Variants in FBXL17 observed in about 807,000 individuals in gnomAD.
The protein encoded by FBXL17 is F-box/LRR-repeat protein 17.
FBXL17 carries 22 observed loss-of-function variants against 66.2 expected under a neutral mutation model. The ratio of observed to expected loss-of-function variants is 0.33; its 90% CI spans 0.24 to 0.47. The LOEUF is 0.47. FBXL17 is among the 20% of genes least tolerant of loss of function. The pLI is 1.00. For missense variants in FBXL17, 878 were observed against 948.2 expected, an observed-to-expected ratio of 0.93 and a Z score of 0.97; for synonymous variants, 474 against 400.5, an observed-to-expected ratio of 1.18 and a Z score of -2.19.
chr5:108,308,599 T>C lies in FBXL17; in HGVS notation c.1506+39800A>G, dbSNP rs577228234. Among the ~76,000 whole-genome samples, 5 of 152,240 alleles carry C rather than the reference T, an allele frequency of 3.3e-5. No individual in the cohort carries two copies. In the East Asian group the frequency reaches 9.6e-4, roughly 29 times the overall value. On this transcript the variant is annotated intron_variant, in intron 4 of 8. Transcript: ENST00000542267. ...GAAAACCTCCGTCATAGATTTTGAA[T>C]TAGCGATTATTCCACAAAATAGCTT... is the stretch of plus-strand genomic sequence containing the variant.
chr5:107,978,418 C>A (rs66673402), intron 7 of FBXL17, among the ~76,000 whole-genome samples: 1 of 151,834 alleles, frequency 6.6e-6, no homozygotes, highest in Non-Finnish European at 1.5e-5. Flanking sequence ...CTGAATTCTG[C>A]TAAGATATAT....
chr5:108,213,244 C>A (rs571244638), intron 5 of FBXL17, among the ~76,000 whole-genome samples: 2 of 152,228 alleles, frequency 1.3e-5, no homozygotes, highest in South Asian at 4.2e-4. Flanking sequence ...GGAGTGGGAC[C>A]CACCAAGCCA....
intron 6 of FBXL17, among the ~76,000 whole-genome samples, chr5:108,175,529 G>A (rs772156594): frequency 1.3e-5 from 2 of 152,126 alleles, no homozygotes; most frequent in Non-Finnish European, 2.9e-5. Flanking sequence ...AGTAAGTGAG[G>A]AGTAATTGTA....
At chr5:107,901,525 C>T (rs879466847) in intron 7 of FBXL17, among the ~76,000 whole-genome samples, 20 of 152,270 alleles carry the variant, frequency 1.3e-4, no homozygotes, top group Non-Finnish European at 1.2e-4. Context: ...CAATGCCTAA[C>T]GGGCCCATGT....
chr5:108,258,270 C>T (rs72791257), intron 4 of FBXL17, among the ~76,000 whole-genome samples: 1 of 152,076 alleles, frequency 6.6e-6, no homozygotes, highest in South Asian at 2.1e-4. Context: ...AGTGCCCTCA[C>T]CAGAAATCAA....
At position 107,942,114 on chromosome 5, in the gene FBXL17, G is replaced by A. The variant is rs563597358; in HGVS notation, c.1823-60935C>T. On this transcript the variant is annotated intron_variant, in intron 7 of 8. Transcript: ENST00000542267. ...TTCTACCTCTCAGCACAGGGCTGAG[G>A]GCGTACACAGCTGGATGTAGGCAAT... is the stretch of plus-strand genomic sequence containing the variant. Among the ~76,000 whole-genome samples the A allele has an allele frequency of 8.5e-5, 13 of 152,080 alleles. No individual in the cohort carries two copies. The South Asian group carries it at 2.7e-3, about 32-fold the overall frequency.
At chr5:108,332,707 A>C (rs1047207310) in intron 4 of FBXL17, among the ~76,000 whole-genome samples, 2 of 152,044 alleles carry the variant, frequency 1.3e-5, no homozygotes, top group Non-Finnish European at 2.9e-5. Flanking sequence ...TCCTGGGTTC[A>C]AGCAATCTTC....
chr5:108,067,259 A>G (rs1748150091), intron 6 of FBXL17, among the ~76,000 whole-genome samples: 1 of 152,170 alleles, frequency 6.6e-6, no homozygotes, highest in Non-Finnish European at 1.5e-5. Context: ...AAACAGACTT[A>G]ATATCTACTT....
intron 4 of FBXL17, among the ~76,000 whole-genome samples, chr5:108,303,726 A>G (rs751141909): frequency 6.6e-6 from 1 of 151,908 alleles, no homozygotes; most frequent in African/African-American, 2.4e-5. Flanking sequence ...TTTTAATAAT[A>G]ATTTAATACT....
intron 7 of FBXL17, among the ~76,000 whole-genome samples, chr5:107,884,380 AAAGTG>A (rs1748891601): frequency 6.6e-6 from 1 of 152,184 alleles, no homozygotes; most frequent in Non-Finnish European, 1.5e-5. Flanking sequence ...AAAATCTAAT[AAAGTG>A]GCAGAACCAG....
chr5:108,113,439 CAT>C (rs112417004), intron 6 of FBXL17, among the ~76,000 whole-genome samples: 28 of 151,164 alleles, frequency 1.9e-4, no homozygotes, highest in Non-Finnish European at 2.5e-4. Flanking sequence ...ATGCTATACA[CAT>C]ATATATATAT....
chr5:108,330,861 A>G (rs1369792809), intron 4 of FBXL17, among the ~76,000 whole-genome samples: 1 of 152,010 alleles, frequency 6.6e-6, no homozygotes, highest in Non-Finnish European at 1.5e-5. Flanking sequence ...CATGTATTCT[A>G]TATCCTGATG....
chr5:108,325,887 T>C (rs542483912), intron 4 of FBXL17, among the ~76,000 whole-genome samples: 1 of 152,292 alleles, frequency 6.6e-6, no homozygotes, highest in South Asian at 2.1e-4. Flanking sequence ...AAGCAATAGC[T>C]AACATTTTCT....
At chr5:108,108,431 G>A (rs937149466) in intron 6 of FBXL17, among the ~76,000 whole-genome samples, 5 of 152,272 alleles carry the variant, frequency 3.3e-5, no homozygotes, top group Non-Finnish European at 7.4e-5. Flanking sequence ...AAAGTATCAT[G>A]AGCTCTTTAG....
At chr5:107,944,106 TG>T (rs1751205364) in intron 7 of FBXL17, among the ~76,000 whole-genome samples, 1 of 152,216 alleles carries the variant, frequency 6.6e-6, no homozygotes. Context: ...GTCATCACCA[TG>T]TAAGCCTTCC....
chr5:108,187,507 C>A (rs1753285621), intron 5 of FBXL17, among the ~76,000 whole-genome samples: 1 of 151,962 alleles, frequency 6.6e-6, no homozygotes, highest in Non-Finnish European at 1.5e-5. Context: ...TCAGAGAAAG[C>A]CAGAGAGATG....
chr5:108,230,773 T>TGGACTTTGG (rs1179996261), intron 4 of FBXL17, among the ~76,000 whole-genome samples: 110 of 130,314 alleles, frequency 8.4e-4, no homozygotes, highest in African/African-American at 3.2e-3. Context: ...AATGATAGAA[T>TGGACTTTGG]GGACTTTGGG....
chr5:108,182,950 C>T (rs1226635850), intron 6 of FBXL17, among the ~76,000 whole-genome samples: 1 of 151,934 alleles, frequency 6.6e-6, no homozygotes, highest in East Asian at 1.9e-4. Context: ...TATAGTATCT[C>T]CCATTAAATG....
intron 8 of FBXL17, chr5:107,879,901 C>G: frequency 1.0e-6 from 1 of 985,456 alleles, no homozygotes; most frequent in Non-Finnish European, 1.2e-6. Flanking sequence ...ACTCCAAAGA[C>G]CCGGCATGAA....
Sources: allele counts gnomAD v4.1 joint callset (sites outside exome capture counted in the v4.1 genomes callset), GRCh38; gene constraint gnomAD v4.1.1; transcripts MANE v1.5; gene names NCBI Gene and HGNC (gene_info 2026-07-23, HGNC 2026-07-21).